Variants in ADAMTSL1 observed in about 807,000 individuals in gnomAD.
The protein encoded by ADAMTSL1 is ADAMTS-like protein 1.
In ADAMTSL1, 126 loss-of-function variants were observed where a neutral mutation model predicts 201.8. The observed-to-expected ratio is 0.62, with a 90% CI of 0.54 to 0.72. ADAMTSL1 has a LOEUF of 0.72. Among genes scored for constraint, ADAMTSL1 ranks in the 30% least tolerant of loss-of-function variants. The pLI, the probability that ADAMTSL1 is intolerant of heterozygous loss-of-function variation, is 0.00. For missense variants in ADAMTSL1, 2,679 were observed against 2,277.8 expected, an observed-to-expected ratio of 1.18 and a Z score of -3.59; for synonymous variants, 1,121 against 903.4, an observed-to-expected ratio of 1.24 and a Z score of -4.32.
chr9:18,705,140 A>T (rs1340402512), intron 13 of ADAMTSL1, among the ~76,000 whole-genome samples: 1 of 152,198 alleles, frequency 6.6e-6, no homozygotes, highest in Non-Finnish European at 1.5e-5. Context: ...TTAGAATTTC[A>T]ATTTCCCTGA....
At chr9:18,262,447 A>G (rs996379395) in intron 2 of ADAMTSL1, among the ~76,000 whole-genome samples, 2 of 152,206 alleles carry the variant, frequency 1.3e-5, no homozygotes, top group African/African-American at 4.8e-5. Flanking sequence ...ACTAATTTTT[A>G]AAAATGTATA....
chr9:18,427,883 G>C lies in ADAMTSL1; in HGVS notation c.208-76946G>C, dbSNP rs937897355. ...CAGTTCCTACTCATTTCCCATGACTGTGTTCAAACGGATGTGCTTAGTTCT... is the reference window on the plus strand; with the variant it reads ...CAGTTCCTACTCATTTCCCATGACTCTGTTCAAACGGATGTGCTTAGTTCT... On this transcript the variant is annotated intron_variant, in intron 2 of 29. Transcript: ENST00000680146. Among the ~76,000 whole-genome samples the C allele has an allele frequency of 1.4e-4, 22 of 152,220 alleles. 1 individual carries two copies. Among genetic ancestry groups the C allele is most frequent in the African/African-American group, 5.3e-4 (22 of 41,456 alleles).
chr9:18,531,873 G>A (rs1299451417), intron 2 of ADAMTSL1, among the ~76,000 whole-genome samples: 1 of 152,100 alleles, frequency 6.6e-6, no homozygotes, highest in Non-Finnish European at 1.5e-5. Context: ...AGATGGCCTG[G>A]TTTCAAATTT....
intron 1 of ADAMTSL1, among the ~76,000 whole-genome samples, chr9:18,012,582 G>A (rs1691302304): frequency 6.6e-6 from 1 of 152,048 alleles, no homozygotes; most frequent in Admixed American, 6.5e-5. Context: ...AAGCATGAGG[G>A]AAGAGAATAG....
chr9:18,451,306 A>G lies in ADAMTSL1; in HGVS notation c.208-53523A>G, dbSNP rs575760965. On this transcript the variant is annotated intron_variant, in intron 2 of 29. Transcript: ENST00000680146. ...CCAATTTTTATGGTAAGATCGCCAC[A>G]TAAGATAACTTGCTGTCATTTTTTC... Among the ~76,000 whole-genome samples the G allele has an allele frequency of 8.7e-4, 132 of 152,364 alleles. 2 individuals are homozygous for G. Among genetic ancestry groups the G allele is most frequent in the South Asian group, 5.4e-3 (26 of 4,826 alleles).
intron 4 of ADAMTSL1, among the ~76,000 whole-genome samples, chr9:18,586,516 G>A (rs887548510): frequency 2.0e-5 from 3 of 151,934 alleles, no homozygotes; most frequent in African/African-American, 4.8e-5. Context: ...TAGCCATACT[G>A]CCTAAAGCAA....
At chr9:18,004,717 C>T (rs907764486) in intron 1 of ADAMTSL1, among the ~76,000 whole-genome samples, 4 of 151,972 alleles carry the variant, frequency 2.6e-5, no homozygotes, top group Non-Finnish European at 4.4e-5. Flanking sequence ...TGATGCATTA[C>T]AGGGTATGAC....
chr9:18,822,834 G>A (rs1017367779), intron 21 of ADAMTSL1, among the ~76,000 whole-genome samples: 1 of 152,178 alleles, frequency 6.6e-6, no homozygotes, highest in Non-Finnish European at 1.5e-5. Context: ...GCATGTCTCA[G>A]TACACTCCGA....
intron 2 of ADAMTSL1, among the ~76,000 whole-genome samples, chr9:18,230,448 A>T (rs1211500818): frequency 6.6e-6 from 1 of 152,176 alleles, no homozygotes; most frequent in Non-Finnish European, 1.5e-5. Flanking sequence ...CAAAAGCCAG[A>T]GAAATACTGT....
chr9:18,657,666 A>G lies in ADAMTSL1; in HGVS notation c.862A>G (p.Thr288Ala). The G allele has an allele frequency of 6.2e-7, 1 of 1,614,218 alleles. No individual in the cohort carries two copies. The highest frequency in any genetic ancestry group is 8.5e-7 in the Non-Finnish European group (1 of 1,180,036). The change falls in exon 8 of 29, where the codon ACA becomes GCA. Residue 288 changes from threonine (T) to alanine (A), a missense_variant. By Grantham distance (58) the Thr-to-Ala change is moderately conservative. Coordinates refer to ENST00000380548, the MANE Select transcript of ADAMTSL1 (RefSeq NM_001040272.6). ...TCGTAACTCGGGCTCCGCTGACAGTACAGTCCAGTTCATCTTCTATCAACC... is the reference window on the plus strand; with the variant it reads ...TCGTAACTCGGGCTCCGCTGACAGTGCAGTCCAGTTCATCTTCTATCAACC... ...KIRNSGSADS[T>A]VQFIFYQPII...
At chr9:18,413,060 T>C (rs1225616044) in intron 2 of ADAMTSL1, among the ~76,000 whole-genome samples, 1 of 152,208 alleles carries the variant, frequency 6.6e-6, no homozygotes, top group Non-Finnish European at 1.5e-5. Flanking sequence ...TTTACCTTTT[T>C]CTATACTCTG....
intron 1 of ADAMTSL1, among the ~76,000 whole-genome samples, chr9:18,072,755 A>G (rs535839322): frequency 2.6e-5 from 4 of 152,192 alleles, no homozygotes; most frequent in Admixed American, 6.5e-5. Context: ...TGGTACTATT[A>G]GGCTGACAAT....
intron 2 of ADAMTSL1, among the ~76,000 whole-genome samples, chr9:18,305,966 G>A (rs1235665424): frequency 6.6e-6 from 1 of 152,146 alleles, no homozygotes; most frequent in Non-Finnish European, 1.5e-5. Flanking sequence ...AGCTCCAGCT[G>A]GCATCTGGCA....
chr9:17,976,939 G>C (rs969515371), intron 1 of ADAMTSL1, among the ~76,000 whole-genome samples: 3 of 151,934 alleles, frequency 2.0e-5, no homozygotes, highest in African/African-American at 7.3e-5. Context: ...GCTTTTCACT[G>C]TTGAGTATGG....
At chr9:17,976,234 A>T (rs1266999194) in intron 1 of ADAMTSL1, among the ~76,000 whole-genome samples, 1 of 151,040 alleles carries the variant, frequency 6.6e-6, no homozygotes, top group African/African-American at 2.4e-5. Context: ...AAAATTTAGT[A>T]TTTTTTTTTT....
intron 26 of ADAMTSL1, 78 bp from the exon 27 acceptor site, chr9:18,905,704 T>G: frequency 5.4e-6 from 6 of 1,110,378 alleles, no homozygotes; most frequent in South Asian, 1.4e-5. Context: ...GGATCGTGCA[T>G]GCCATGCAGC....
At chr9:18,301,637 C>A (rs1027577794) in intron 2 of ADAMTSL1, among the ~76,000 whole-genome samples, 1 of 152,142 alleles carries the variant, frequency 6.6e-6, no homozygotes, top group Non-Finnish European at 1.5e-5. Context: ...CTCTCCTCGC[C>A]TATTTTCGGG....
At chr9:17,998,945 A>AT (rs570828485) in intron 1 of ADAMTSL1, among the ~76,000 whole-genome samples, 119 of 152,104 alleles carry the variant, frequency 7.8e-4, no homozygotes, top group South Asian at 2.7e-3. Flanking sequence ...TAATTCATTT[A>AT]TTTTTTTAAA....
At chr9:18,399,318 T>TATATATATATATATATAC (rs1563934781) in intron 2 of ADAMTSL1, among the ~76,000 whole-genome samples, 8 of 100,770 alleles carry the variant, frequency 7.9e-5, no homozygotes, top group South Asian at 3.8e-4. Context: ...TATATATATA[T>TATATATATATATATATAC]ATATATATAT....
Sources: gnomAD v4.1 joint callset for allele counts (sites outside exome capture counted in the v4.1 genomes callset) on GRCh38, gnomAD v4.1.1 for gene constraint, MANE v1.5 for transcripts, NCBI Gene and HGNC (gene_info 2026-07-23, HGNC 2026-07-21) for gene names.